RBFOX3: variants seen among roughly 807,000 people sequenced by gnomAD.
RBFOX3 encodes the protein RNA binding protein fox-1 homolog 3.
RBFOX3 carries 17 observed loss-of-function variants against 48.7 expected under a neutral mutation model. That is an observed-to-expected ratio of 0.35 (90% CI 0.24 to 0.52). The LOEUF is 0.52. RBFOX3 is among the 20% of genes least tolerant of loss of function. The probability of loss-of-function intolerance (pLI) is 0.94; values close to 1 mark genes in which losing one functional copy is unlikely to be tolerated. For synonymous variants in RBFOX3, 212 were observed against 209.5 expected (o/e 1.01, Z -0.10); for missense variants, 382 against 497.5 (o/e 0.77, Z 2.21).
chr17:79,114,745 C>T (rs1031836569), intron 5 of RBFOX3, among the ~76,000 whole-genome samples: 16 of 151,978 alleles, frequency 1.1e-4, no homozygotes, highest in Non-Finnish European at 2.2e-4. Context: ...CCTGGAGCCC[C>T]AGAGCAGGGG....
chr17:79,444,697 A>G (rs1490688839), intron 2 of RBFOX3, among the ~76,000 whole-genome samples: 3 of 151,934 alleles, frequency 2.0e-5, no homozygotes, highest in Admixed American at 6.6e-5. Flanking sequence ...ATAAGCCCGC[A>G]TTTGCTCCAA....
chr17:79,125,140 G>A (rs1025441749), intron 4 of RBFOX3, among the ~76,000 whole-genome samples: 1 of 152,224 alleles, frequency 6.6e-6, no homozygotes, highest in Non-Finnish European at 1.5e-5. Context: ...CTGCCTGTTG[G>A]ATCCTGATGA....
At chr17:79,280,236 TGC>T (rs941913134) in intron 3 of RBFOX3, among the ~76,000 whole-genome samples, 17 of 48,692 alleles carry the variant, frequency 3.5e-4, no homozygotes, top group African/African-American at 1.7e-3. Flanking sequence ...CACGCACACA[TGC>T]ACACACACAC....
chr17:79,116,672 C>T (rs2034071713), intron 4 of RBFOX3, among the ~76,000 whole-genome samples: 1 of 152,206 alleles, frequency 6.6e-6, no homozygotes, highest in African/African-American at 2.4e-5. Flanking sequence ...TGAGGTGTGT[C>T]GGGGGGCAGG....
At chr17:79,227,938 C>T (rs929863653) in intron 4 of RBFOX3, among the ~76,000 whole-genome samples, 6 of 152,172 alleles carry the variant, frequency 3.9e-5, no homozygotes, top group Admixed American at 2.0e-4. Context: ...GCGATAAAAC[C>T]CACCTTCTTT....
rs535847573 is a variant in RBFOX3, at chr17:79,136,662, G to C, written c.-33-20914C>G. On this transcript the variant is annotated intron_variant, in intron 4 of 14. Coordinates refer to ENST00000693108, the MANE Select transcript of RBFOX3 (RefSeq NM_001350451.2). ...TGCCAGAAGATGGGGAAGGTGCTGG[G>C]AAGCACCGGGAACCTGCTGATCCTC... Among the ~76,000 whole-genome samples the C allele has an allele frequency of 1.1e-4, 16 of 152,280 alleles. No homozygotes were observed. The South Asian group carries it at 3.1e-3, about 30-fold the overall frequency.
chr17:79,462,217 C>A (rs1414098469), intron 2 of RBFOX3, among the ~76,000 whole-genome samples: 5 of 152,186 alleles, frequency 3.3e-5, no homozygotes, highest in African/African-American at 1.2e-4. Context: ...ACGTGGCCAA[C>A]AAACACTCAT....
intron 4 of RBFOX3, among the ~76,000 whole-genome samples, chr17:79,156,419 C>T (rs2145098890): frequency 6.6e-6 from 1 of 152,256 alleles, no homozygotes; most frequent in African/African-American, 2.4e-5. Context: ...ACCCCAGAGG[C>T]CTGGCAGCCC....
At chr17:79,655,550 G>T in the RBFOX3 span, among the ~76,000 whole-genome samples, 1 of 152,208 alleles carries the variant, frequency 6.6e-6, no homozygotes, top group African/African-American at 2.4e-5. Context: ...AAACTCATTT[G>T]GCAGCAAAAC....
chr17:79,647,282 C>G, the RBFOX3 span, among the ~76,000 whole-genome samples: 2 of 152,242 alleles, frequency 1.3e-5, no homozygotes, highest in Non-Finnish European at 2.9e-5. Flanking sequence ...GAATGGCTCC[C>G]AGGAACAACA....
chr17:79,354,719 C>A (rs189328509), intron 2 of RBFOX3, among the ~76,000 whole-genome samples: 145 of 152,334 alleles, frequency 9.5e-4, no homozygotes, highest in African/African-American at 3.4e-3. Flanking sequence ...TTTCCCTTCC[C>A]AGATGTGTGA....
At position 79,452,317 on chromosome 17, in the gene RBFOX3, C is replaced by T. The variant is rs916410994; in HGVS notation, c.-175+30137G>A. Among the ~76,000 whole-genome samples the T allele has an allele frequency of 7.9e-5, 12 of 152,262 alleles. 1 individual carries two copies. The highest frequency in any genetic ancestry group is 3.4e-3 in the Middle Eastern group (1 of 294). On this transcript the variant is annotated intron_variant, in intron 2 of 14. Coordinates refer to ENST00000693108, the MANE Select transcript of RBFOX3 (RefSeq NM_001350451.2). ...TGGAGGCCCACCCTGTCACCACCTC[C>T]GCTGCGGAGGAACGCAGCAGTCATG...
chr17:79,388,876 G>A (rs1277423837), intron 2 of RBFOX3, among the ~76,000 whole-genome samples: 1 of 152,182 alleles, frequency 6.6e-6, no homozygotes, highest in East Asian at 1.9e-4. Context: ...TGTGCTCACC[G>A]ATCACCATCC....
At chr17:79,264,094 C>CTTTT (rs559845696) in intron 3 of RBFOX3, among the ~76,000 whole-genome samples, 1 of 141,776 alleles carries the variant, frequency 7.1e-6, no homozygotes, top group Non-Finnish European at 1.5e-5. Flanking sequence ...CTGTTGGCAT[C>CTTTT]TTTTTTTTTT....
At chr17:79,396,096 G>A (rs967355976) in intron 2 of RBFOX3, among the ~76,000 whole-genome samples, 6 of 152,244 alleles carry the variant, frequency 3.9e-5, no homozygotes, top group South Asian at 2.1e-4. Flanking sequence ...CATCTCAAAA[G>A]TAACAGGGCA....
At chr17:79,565,283 C>T (rs1383019562) in intron 1 of RBFOX3, among the ~76,000 whole-genome samples, 1 of 151,532 alleles carries the variant, frequency 6.6e-6, no homozygotes, top group African/African-American at 2.4e-5. Context: ...CAAAGAGACA[C>T]TATTTACTAT....
chr17:79,115,584 G>A lies in RBFOX3; in HGVS notation c.132C>T (p.Gly44=). The change falls in exon 5 of 15, where the codon GGC becomes GGT. Residue 44 remains glycine (G), a synonymous_variant. Transcript: ENST00000693108. ...TCTGTGCTGGTGTGTACAGGGTCATGCCATGCTCTGTGGGGACCGGGGTCT... is the reference window on the plus strand; with the variant it reads ...TCTGTGCTGGTGTGTACAGGGTCATACCATGCTCTGTGGGGACCGGGGTCT... The part of the protein sequence containing the change: ...SGQTPVPTEH[G]MTLYTPAQTH... 7.0e-7 allele frequency: 1 copy of A among 1,429,578 alleles called. No individual in the cohort carries two copies. Among genetic ancestry groups the A allele is most frequent in the Non-Finnish European group, 9.2e-7 (1 of 1,091,404 alleles). The allele number at this position is 1,429,578 out of a possible 1,614,324, so 88.6% of individuals were successfully genotyped here. A position where few individuals can be genotyped will look rare whatever the true frequency, so the allele number is the denominator to read the frequency against.
chr17:79,173,164 T>C (rs952661716), intron 4 of RBFOX3, among the ~76,000 whole-genome samples: 21 of 149,580 alleles, frequency 1.4e-4, no homozygotes, highest in African/African-American at 4.8e-4. Context: ...GAGCCGAGAT[T>C]GCACCACTGC....
At chr17:79,503,233 C>T (rs1044779198) in intron 1 of RBFOX3, among the ~76,000 whole-genome samples, 1 of 152,288 alleles carries the variant, frequency 6.6e-6, no homozygotes, top group South Asian at 2.1e-4. Context: ...TACCATTCCA[C>T]AGGGGCTTAG....
Sources: allele counts gnomAD v4.1 joint callset (sites outside exome capture counted in the v4.1 genomes callset), GRCh38; gene constraint gnomAD v4.1.1; transcripts MANE v1.5; gene names NCBI Gene and HGNC (gene_info 2026-07-23, HGNC 2026-07-21).